The following ENTHD1 variants were observed in gnomAD, a reference collection of about 807,000 sequenced individuals.
ENTHD1 encodes ENTH domain containing 1.
A neutral mutation model predicts 39.1 loss-of-function variants in ENTHD1; 23 were observed. That is an observed-to-expected ratio of 0.59 (90% CI 0.42 to 0.83). The LOEUF (loss-of-function observed/expected upper bound fraction) is 0.83, where lower values mean the gene tolerates loss of function less well. Among genes scored for constraint, ENTHD1 ranks in the 40% least tolerant of loss-of-function variants. The pLI is 0.00. For synonymous variants in ENTHD1, 230 were observed against 258.2 expected (o/e 0.89, Z 1.05); for missense variants, 624 against 705.4 (o/e 0.88, Z 1.31).
chr22:39,863,971 T>C (rs530691197), intron 2 of ENTHD1, among the ~76,000 whole-genome samples: 1 of 152,344 alleles, frequency 6.6e-6, no homozygotes, highest in South Asian at 2.1e-4. Flanking sequence ...CCAAATCTAC[T>C]TTATAACTGC....
chr22:39,780,985 C>T (rs1055644574), intron 5 of ENTHD1, among the ~76,000 whole-genome samples: 2 of 140,322 alleles, frequency 1.4e-5, no homozygotes, highest in Non-Finnish European at 3.1e-5. Context: ...GGCAACAGAG[C>T]GAGACTCCAT....
At chr22:39,877,184 T>C (rs2066298332) in intron 2 of ENTHD1, among the ~76,000 whole-genome samples, 1 of 152,192 alleles carries the variant, frequency 6.6e-6, no homozygotes. Context: ...GACCCAGCCT[T>C]GCCAACTGTT....
intron 6 of ENTHD1, among the ~76,000 whole-genome samples, chr22:39,747,867 C>A (rs760491646): frequency 6.6e-6 from 1 of 152,066 alleles, no homozygotes; most frequent in Admixed American, 6.5e-5. Flanking sequence ...ATGCTCAGAG[C>A]TCATGCACAG....
chr22:39,875,295 G>T (rs911735280), intron 2 of ENTHD1: 9 of 1,158,264 alleles, frequency 7.8e-6, no homozygotes, highest in Non-Finnish European at 9.8e-6. Context: ...AAAGAAATTC[G>T]GTCGGTCGCA....
intron 5 of ENTHD1, among the ~76,000 whole-genome samples, chr22:39,795,501 C>T (rs925464519): frequency 6.6e-6 from 1 of 151,736 alleles, no homozygotes; most frequent in Non-Finnish European, 1.5e-5. Flanking sequence ...TCATGGCTCA[C>T]TATATAGCCT....
intron 5 of ENTHD1, among the ~76,000 whole-genome samples, chr22:39,817,361 A>G (rs1337835516): frequency 6.6e-6 from 1 of 152,234 alleles, no homozygotes; most frequent in Non-Finnish European, 1.5e-5. Context: ...GGAATAAACT[A>G]TGATAGCCAG....
In ENTHD1 at chr22:39,744,017, T is replaced by G. The variant is rs751594535; in HGVS notation, c.1486A>C (p.Asn496His). 5 of 1,614,044 alleles carry G rather than the reference T, an allele frequency of 3.1e-6. No individual in the cohort carries two copies. In the African/African-American group the frequency reaches 4.0e-5, roughly 13 times the overall value. ...DSLNLLGILP[N>H]NSDSAKKNIS... is the part of the protein sequence containing the mutation. ...TTCTTTTTAGCAGAATCAGAGTTAT[T>G]TGGAAGAATTCCCAGTAGATTGAGG... The change falls in exon 7 of 7, where the codon AAT (asparagine) becomes CAT (histidine). Residue 496 changes from asparagine (N) to histidine (H), a missense_variant. By Grantham distance (68) the Asn-to-His change is moderately conservative (BLOSUM62 1). Transcript: ENST00000325157.
chr22:39,807,306 A>G (rs1179286877), intron 5 of ENTHD1, among the ~76,000 whole-genome samples: 2 of 152,258 alleles, frequency 1.3e-5, no homozygotes, highest in Non-Finnish European at 2.9e-5. Context: ...AAACTCCTCA[A>G]CATGGCTTAT....
intron 5 of ENTHD1, among the ~76,000 whole-genome samples, chr22:39,817,929 T>C (rs1049485590): frequency 1.4e-4 from 22 of 152,330 alleles, no homozygotes; most frequent in African/African-American, 5.3e-4. Context: ...TACCAACATA[T>C]GTCTCATCCA....
chr22:39,757,600 C>T (rs2065195290), intron 6 of ENTHD1, among the ~76,000 whole-genome samples: 1 of 151,974 alleles, frequency 6.6e-6, no homozygotes, highest in Admixed American at 6.5e-5. Flanking sequence ...TCACTTGAAT[C>T]CAGGAGGTAG....
intron 2 of ENTHD1, among the ~76,000 whole-genome samples, chr22:39,874,100 C>G (rs567668123): frequency 1.3e-4 from 20 of 152,214 alleles, no homozygotes; most frequent in Non-Finnish European, 2.8e-4. Flanking sequence ...CTTATAAAAC[C>G]ACCAGATCTT....
chr22:39,743,582 C>G lies in ENTHD1; in HGVS notation c.*97G>C. ...CTGACAAGGAAAAATTAAACCATCCCCTTTTTTGCCATAATAATATGAATT... is the reference window on the plus strand; with the variant it reads ...CTGACAAGGAAAAATTAAACCATCCGCTTTTTTGCCATAATAATATGAATT... On this transcript the variant is annotated 3_prime_UTR_variant, in exon 7 of 7. Coordinates refer to ENST00000325157, the MANE Select transcript of ENTHD1 (RefSeq NM_152512.4). 7.4e-7 allele frequency: 1 copy of G among 1,349,678 alleles called. No individual in the cohort carries two copies. Among genetic ancestry groups the G allele is most frequent in the Non-Finnish European group, 9.7e-7 (1 of 1,027,828 alleles). The allele number at this position is 1,349,678 out of a possible 1,614,324, so 83.6% of individuals were successfully genotyped here.
chr22:39,892,576 G>A (rs2066434833), intron 1 of ENTHD1, among the ~76,000 whole-genome samples: 1 of 152,248 alleles, frequency 6.6e-6, no homozygotes, highest in Admixed American at 6.5e-5. Context: ...ACCACCAAAT[G>A]AGTTGGAGGA....
In ENTHD1 at chr22:39,814,308, A is replaced by AAAAAAAAAAAAAAAAT. The variant is rs1569151625; in HGVS notation, c.832+6684_832+6685insATTTTTTTTTTTTTTT. Among the ~76,000 whole-genome samples, 7 of 151,894 alleles carry AAAAAAAAAAAAAAAAT rather than the reference A, an allele frequency of 4.6e-5. 1 individual carries two copies. Among genetic ancestry groups the AAAAAAAAAAAAAAAAT allele is most frequent in the African/African-American group, 1.4e-4 (6 of 41,412 alleles). On this transcript the variant is annotated intron_variant, in intron 5 of 6. Transcript: ENST00000325157. ...ACCCCATCTCTACAAAAAAAAAAAA[A>AAAAAAAAAAAAAAAAT]AAATAACCAGGTGTGGTGGTGTGAG...
At chr22:39,791,763 C>T (rs1394913176) in intron 5 of ENTHD1, among the ~76,000 whole-genome samples, 1 of 152,092 alleles carries the variant, frequency 6.6e-6, no homozygotes, top group Non-Finnish European at 1.5e-5. Context: ...TGGTTCAGAA[C>T]ACAGGTTTGT....
At chr22:39,783,667 T>C (rs1420920890) in intron 5 of ENTHD1, among the ~76,000 whole-genome samples, 1 of 152,048 alleles carries the variant, frequency 6.6e-6, no homozygotes, top group Non-Finnish European at 1.5e-5. Context: ...GTCTCTCCAA[T>C]AAGTGGTGCT....
chr22:39,780,585 A>G (rs1302591605), intron 5 of ENTHD1, among the ~76,000 whole-genome samples: 2 of 152,234 alleles, frequency 1.3e-5, no homozygotes, highest in Admixed American at 1.3e-4. Context: ...CTTATATCAG[A>G]TAAAACAGAC....
At chr22:39,753,694 T>C (rs965174171) in intron 6 of ENTHD1, among the ~76,000 whole-genome samples, 1 of 152,232 alleles carries the variant, frequency 6.6e-6, no homozygotes, top group African/African-American at 2.4e-5. Context: ...CCAATGTCCA[T>C]GGAGACTAGC....
chr22:39,796,551 G>A (rs553564752), intron 5 of ENTHD1, among the ~76,000 whole-genome samples: 1 of 152,250 alleles, frequency 6.6e-6, no homozygotes, highest in Admixed American at 6.5e-5. Context: ...TTACAGGTGA[G>A]CCACCATGCC....
Sources: allele counts gnomAD v4.1 joint callset (sites outside exome capture counted in the v4.1 genomes callset), GRCh38; gene constraint gnomAD v4.1.1; transcripts MANE v1.5; gene names NCBI Gene and HGNC (gene_info 2026-07-23, HGNC 2026-07-21).